The following ANO3 variants were observed in gnomAD, a reference collection of about 807,000 sequenced individuals.
ANO3 encodes anoctamin-3.
A neutral mutation model predicts 144.8 loss-of-function variants in ANO3; 99 were observed. That is an observed-to-expected ratio of 0.68 (90% confidence interval 0.58 to 0.81). The LOEUF is 0.81. Among genes scored for constraint, ANO3 ranks in the 30% least tolerant of loss-of-function variants. The pLI, the probability that ANO3 is intolerant of heterozygous loss-of-function variation, is 0.00. For synonymous variants in ANO3, 414 were observed against 392.6 expected, an observed-to-expected ratio of 1.05 and a Z score of -0.64; for missense variants, 905 against 1,202.2, an observed-to-expected ratio of 0.75 and a Z score of 3.66.
chr11:26,350,103 C>G (rs1478473036), intron 1 of ANO3, among the ~76,000 whole-genome samples: 1 of 150,518 alleles, frequency 6.6e-6, no homozygotes, highest in Non-Finnish European at 1.5e-5. Context: ...AGAAACAGAT[C>G]TATGTGGAGA....
chr11:26,435,712 A>C (rs1408810960), intron 1 of ANO3, among the ~76,000 whole-genome samples: 4 of 151,854 alleles, frequency 2.6e-5, no homozygotes, highest in Non-Finnish European at 5.9e-5. Context: ...TTGTGAAATT[A>C]TTGCAGTGTT....
chr11:26,432,223 G>T lies in ANO3; in HGVS notation c.47-9695G>T, dbSNP rs192337289. Among the ~76,000 whole-genome samples the T allele has an allele frequency of 9.9e-4, 150 of 152,152 alleles. 1 individual carries two copies. The Middle Eastern group carries it at 0.01, about 10-fold the overall frequency. On this transcript the variant is annotated intron_variant, in intron 1 of 26. Transcript: ENST00000256737. The stretch of plus-strand genomic sequence containing the variant: ...GTATATCTTCTCTTGAAGAGTGTCT[G>T]TTGATGTCATTTGCCCAGTTTTTAA...
upstream of ANO3, among the ~76,000 whole-genome samples, chr11:26,306,874 A>G (rs1446364760): frequency 8.6e-6 from 1 of 115,710 alleles, no homozygotes; most frequent in Non-Finnish European, 1.8e-5. Flanking sequence ...TTTCTAGCCA[A>G]CTGGGTAATT....
chr11:26,496,926 T>C (rs1360844800), intron 4 of ANO3, among the ~76,000 whole-genome samples: 1 of 148,640 alleles, frequency 6.7e-6, no homozygotes, highest in Non-Finnish European at 1.5e-5. Context: ...ATATATAAAA[T>C]CAACCTAAGC....
intron 4 of ANO3, among the ~76,000 whole-genome samples, chr11:26,477,649 C>T (rs1489777794): frequency 6.6e-6 from 1 of 152,068 alleles, no homozygotes; most frequent in Non-Finnish European, 1.5e-5. Context: ...ATTACCTTTG[C>T]ATTGTGCATA....
chr11:26,496,058 A>C (rs1860925416), intron 4 of ANO3, among the ~76,000 whole-genome samples: 1 of 152,210 alleles, frequency 6.6e-6, no homozygotes, highest in African/African-American at 2.4e-5. Context: ...TGACCAAGGT[A>C]ATGAATATTC....
intron 9 of ANO3, 128 bp from the exon 10 acceptor site, chr11:26,537,278 G>T: frequency 1.4e-6 from 1 of 723,050 alleles, no homozygotes; most frequent in South Asian, 1.6e-5. Flanking sequence ...AGGTGATGTG[G>T]CTATGGAAGT....
intron 1 of ANO3, among the ~76,000 whole-genome samples, chr11:26,430,569 A>AT (rs1344036753): frequency 1.3e-5 from 2 of 152,160 alleles, no homozygotes; most frequent in African/African-American, 2.4e-5. Flanking sequence ...AAAAATTTTA[A>AT]TTCCTAACGC....
chr11:26,418,112 T>C (rs2133994135), intron 1 of ANO3, among the ~76,000 whole-genome samples: 1 of 152,174 alleles, frequency 6.6e-6, no homozygotes, highest in South Asian at 2.1e-4. Context: ...ATTTTCAGCC[T>C]TTGGCACAGC....
chr11:26,308,831 T>G (rs193256500), upstream of ANO3, among the ~76,000 whole-genome samples: 637 of 152,338 alleles, frequency 4.2e-3, 2 homozygotes, highest in Admixed American at 6.3e-3. Context: ...ATACTTACTA[T>G]GAACCAGGAT....
At chr11:26,381,645 G>GA (rs1402565704) in intron 1 of ANO3, among the ~76,000 whole-genome samples, 49 of 152,274 alleles carry the variant, frequency 3.2e-4, no homozygotes, top group African/African-American at 1.2e-3. Context: ...TTGACTGAAA[G>GA]AATGATTTCA....
chr11:26,442,197 C>G (rs1008085307), intron 2 of ANO3, 85 bp downstream of exon 2: 2 of 1,363,836 alleles, frequency 1.5e-6, no homozygotes, highest in Non-Finnish European at 2.0e-6. Flanking sequence ...TTCCATTGGA[C>G]CAGTTTTATA....
At chr11:26,547,615 A>G in intron 12 of ANO3, 65 bp downstream of exon 12, 1 of 1,411,546 alleles carries the variant, frequency 7.1e-7, no homozygotes, top group Non-Finnish European at 9.9e-7. Flanking sequence ...AAGTTTAATG[A>G]TAATGCTGAC....
intron 1 of ANO3, among the ~76,000 whole-genome samples, chr11:26,355,562 C>CTT (rs754279801): frequency 1.5e-5 from 2 of 135,466 alleles, no homozygotes; most frequent in Admixed American, 1.4e-4. Context: ...TTCTTTCTTT[C>CTT]TTTCTTTTTT....
chr11:26,375,069 T>C (rs117371064), intron 1 of ANO3, among the ~76,000 whole-genome samples: 1 of 152,196 alleles, frequency 6.6e-6, no homozygotes, highest in Non-Finnish European at 1.5e-5. Context: ...CTATTATTAT[T>C]ACATACTCAT....
intron 1 of ANO3, among the ~76,000 whole-genome samples, chr11:26,258,886 T>C (rs950787373): frequency 4.6e-5 from 7 of 152,206 alleles, no homozygotes; most frequent in Non-Finnish European, 1.0e-4. Flanking sequence ...TTTAAATAGG[T>C]AGACACATCT....
intron 1 of ANO3, among the ~76,000 whole-genome samples, chr11:26,213,572 G>T (rs1851978349): frequency 1.3e-5 from 2 of 152,094 alleles, no homozygotes; most frequent in Non-Finnish European, 2.9e-5. Flanking sequence ...ACTTACAAGG[G>T]ATGTGAAGGA....
At chr11:26,191,341 C>T (rs11029376) in intron 1 of ANO3, among the ~76,000 whole-genome samples, 1 of 148,390 alleles carries the variant, frequency 6.7e-6, no homozygotes, top group South Asian at 2.1e-4. Flanking sequence ...CACATACACA[C>T]ACACACACAC....
At chr11:26,441,119 T>TTTG (rs1858498805) in intron 1 of ANO3, among the ~76,000 whole-genome samples, 1 of 120,994 alleles carries the variant, frequency 8.3e-6, no homozygotes, top group African/African-American at 3.3e-5. Flanking sequence ...TTTTTTTTTT[T>TTTG]TTTTTTTTTT....
Sources: allele counts gnomAD v4.1 joint callset (sites outside exome capture counted in the v4.1 genomes callset), GRCh38; gene constraint gnomAD v4.1.1; transcripts MANE v1.5; gene names NCBI Gene and HGNC (gene_info 2026-07-23, HGNC 2026-07-21).